The following TMEM134 variants were observed in gnomAD, a reference collection of about 807,000 sequenced individuals.
The protein encoded by TMEM134 is transmembrane protein 134.
Under a neutral mutation model 26.2 loss-of-function variants are expected in TMEM134, and 36 were observed. The observed-to-expected ratio is 1.37, with a 90% CI of 1.05 to 1.81. TMEM134 has a LOEUF of 1.81. Ranked by LOEUF, TMEM134 falls within the 40% of genes most tolerant of loss-of-function variation. The probability of loss-of-function intolerance (pLI) is 0.00; values close to 1 mark genes in which losing one functional copy is unlikely to be tolerated. For missense variants in TMEM134, 339 were observed against 263.5 expected, an observed-to-expected ratio of 1.29 and a Z score of -1.98; for synonymous variants, 133 against 113.6, an observed-to-expected ratio of 1.17 and a Z score of -1.08.
chr11:67,467,632 CG>C, intron 2 of TMEM134, 42 bp from the exon 3 acceptor site: 1 of 1,601,584 alleles, frequency 6.2e-7, no homozygotes, highest in East Asian at 2.2e-5. Flanking sequence ...GAGGCAAGGA[CG>C]GGGTTGCTTT....
intron 1 of TMEM134, among the ~76,000 whole-genome samples, chr11:67,468,515 A>G (rs1386741218): frequency 6.6e-6 from 1 of 152,204 alleles, no homozygotes; most frequent in Non-Finnish European, 1.5e-5. Context: ...TTTCTGGTTT[A>G]GTGGGAGCCA....
At chr11:67,465,989 G>A (rs914920929) in intron 4 of TMEM134, 4 of 152,204 alleles carry the variant, frequency 2.6e-5, no homozygotes, top group African/African-American at 9.7e-5. Context: ...TCAGCTGGGA[G>A]GATGGCTTGA....
At chr11:67,467,065 A>T (rs1037583135) in intron 4 of TMEM134, 21 of 579,050 alleles carry the variant, frequency 3.6e-5, no homozygotes, top group African/African-American at 9.4e-5. Flanking sequence ...TAAATTTTTT[A>T]AAAAAGGAAA....
At chr11:67,468,983 C>A in intron 1 of TMEM134, 36 bp downstream of exon 1, 2 of 1,439,802 alleles carry the variant, frequency 1.4e-6, no homozygotes. Flanking sequence ...TCCCGTCCGG[C>A]CGGGGGCAGG....
rs1865094135 is a variant in TMEM134 at position 67,464,164 on chromosome 11, G to A, written c.*450C>T. ...GTTCCGGCCGGCTCCTGGCTGGCAA[G>A]GCAGGAGTCCTACGCCCAGCTCTGC... On this transcript the variant is annotated 3_prime_UTR_variant, in exon 7 of 7. Transcript: ENST00000308022. The A allele has an allele frequency of 5.1e-6, 1 of 195,342 alleles. No homozygotes were observed. The highest frequency in any genetic ancestry group is 2.4e-5 in the African/African-American group (1 of 41,802). The allele number at this position is 195,342 out of a possible 1,614,324, so 12.1% of individuals were successfully genotyped here.
chr11:67,468,541 C>T (rs1167491837), intron 1 of TMEM134, among the ~76,000 whole-genome samples: 3 of 152,192 alleles, frequency 2.0e-5, no homozygotes, highest in Non-Finnish European at 4.4e-5. Flanking sequence ...TGGGCAAGGA[C>T]TGGTCATGTG....
At position 67,464,668 on chromosome 11, in the gene TMEM134, C is replaced by A. The variant is rs986749990; in HGVS notation, c.534G>T (p.Ala178=). 1 of 1,553,996 alleles carries A rather than the reference C, an allele frequency of 6.4e-7. No individual in the cohort carries two copies. Among genetic ancestry groups the A allele is most frequent in the Non-Finnish European group, 8.7e-7 (1 of 1,148,200 alleles). ...ACTGGAAGCCCCGGTGGCCCTTGACCGCGCAGTAGATGAAGATCACGTGAT... is the reference window on the plus strand; with the variant it reads ...ACTGGAAGCCCCGGTGGCCCTTGACAGCGCAGTAGATGAAGATCACGTGAT... ...GVYHVIFIYC[A]VKGHRGFQFF... The change falls in exon 7 of 7, where the codon GCG becomes GCT. Residue 178 remains alanine, a synonymous_variant. Transcript: ENST00000308022.
chr11:67,467,280 C>T, intron 4 of TMEM134, 32 bp downstream of exon 4: 2 of 1,609,864 alleles, frequency 1.2e-6, no homozygotes, highest in Non-Finnish European at 1.7e-6. Flanking sequence ...CCCACGGGGC[C>T]CCTCTTGACC....
chr11:67,468,786 T>A (rs1256902372), intron 1 of TMEM134, among the ~76,000 whole-genome samples: 2 of 152,100 alleles, frequency 1.3e-5, no homozygotes, highest in African/African-American at 4.8e-5. Context: ...AGCTGAGGGA[T>A]GAGCTCCCGG....
intron 6 of TMEM134, 31 bp from the exon 7 acceptor site, chr11:67,464,727 C>G (rs2135208742): frequency 6.5e-7 from 1 of 1,549,332 alleles, no homozygotes. Flanking sequence ...GCGCAGAAGC[C>G]CCGCCCCTCC....
chr11:67,464,623 G>A lies in TMEM134; in HGVS notation c.579C>T (p.Phe193=), dbSNP rs1283584016. Residue 193 remains phenylalanine (F), a synonymous_variant, in exon 7 of 7, where the codon TTC becomes TTT. Coordinates refer to ENST00000308022, the MANE Select transcript of TMEM134 (RefSeq NM_025124.4). ...CCACGCTGCGCCGCGATCACTTCTC[G>A]AAGTAGGGCAGGTAGAAGAACTGGA... ...RGFQFFYLPY[F]EK 6.4e-7 allele frequency: 1 copy of A among 1,552,408 alleles called. No homozygotes were observed. Among genetic ancestry groups the A allele is most frequent in the Non-Finnish European group, 8.7e-7 (1 of 1,147,318 alleles).
intron 4 of TMEM134, 160 bp downstream of exon 4, chr11:67,467,150 CCT>C (rs1865305525): frequency 1.6e-6 from 1 of 639,774 alleles, no homozygotes; most frequent in African/African-American, 1.8e-5. Context: ...GGTCACAAGG[CCT>C]CTGTCTCCTC....
rs1865115392 is a variant in TMEM134, at chr11:67,464,577, G to A, written c.*37C>T. 9 of 1,547,006 alleles carry A rather than the reference G, an allele frequency of 5.8e-6. No individual in the cohort carries two copies. Among genetic ancestry groups the A allele is most frequent in the South Asian group, 1.2e-5 (1 of 83,976 alleles). On this transcript the variant is annotated 3_prime_UTR_variant, in exon 7 of 7. Transcript: ENST00000308022. ...GGGAACGGAACAGGGCAAGAGGGGC[G>A]CCCCCATGGGCGCAAGGGGTCCACG...
Position 67,464,279 on chromosome 11 carries a change from G to T in TMEM134, c.*335C>A. The T allele has an allele frequency of 2.3e-6, 1 of 429,342 alleles. No individual in the cohort carries two copies. Among genetic ancestry groups the T allele is most frequent in the African/African-American group, 2.0e-5 (1 of 49,072 alleles). 26.6% of individuals were successfully genotyped at this position (429,342 alleles called of 1,614,324 possible). The stretch of plus-strand genomic sequence containing the variant: ...TCGAAGCCCTTCAGCGTCAGGGTCA[G>T]TCCTTGGGAGGGGGGCTGTGGTCAG... On this transcript the variant is annotated 3_prime_UTR_variant, in exon 7 of 7. Coordinates refer to ENST00000308022, the MANE Select transcript of TMEM134 (RefSeq NM_025124.4).
At chr11:67,467,642 T>G in intron 2 of TMEM134, 52 bp from the exon 3 acceptor site, 1 of 1,572,560 alleles carries the variant, frequency 6.4e-7, no homozygotes, top group Non-Finnish European at 8.7e-7. Context: ...CGGGGTTGCT[T>G]TGGGACAGGA....
At position 67,465,355 on chromosome 11, in the gene TMEM134, C is replaced by A. The variant is rs1240089365; in HGVS notation, c.407-255G>T. ...GCAAACATTTATGGAACACCTACTG[C>A]GTGCCTGGTACTGGGAATTCCGCCC... On this transcript the variant is annotated intron_variant, in intron 4 of 6. Transcript: ENST00000308022. The A allele has an allele frequency of 4.0e-6, 4 of 1,004,032 alleles. No homozygotes were observed. In the African/African-American group the frequency reaches 5.0e-5, roughly 13 times the overall value. 62.2% of individuals were successfully genotyped at this position (1,004,032 alleles called of 1,614,324 possible).
rs1436049870 is a variant in TMEM134 at position 67,469,064 on chromosome 11, C to G, written c.129G>C (p.Arg43=). The change falls in exon 1 of 7, where the codon CGG becomes CGC. Residue 43 remains arginine (R), a synonymous_variant. Transcript: ENST00000308022. ...GCTTGTCCTCGTCAGCCACCTCGAACCGGGCCCGACGCTCGAAGTGCAGCG... is the reference window on the plus strand; with the variant it reads ...GCTTGTCCTCGTCAGCCACCTCGAAGCGGGCCCGACGCTCGAAGTGCAGCG... ...FGPLHFERRA[R]FEVADEDKQS... 1 of 1,516,368 alleles carries G rather than the reference C, an allele frequency of 6.6e-7. No homozygotes were observed. The highest frequency in any genetic ancestry group is 1.4e-5 in the African/African-American group (1 of 69,506). 93.9% of individuals were successfully genotyped at this position (1,516,368 alleles called of 1,614,324 possible). A position where few individuals can be genotyped will look rare whatever the true frequency, so the allele number is the denominator to read the frequency against.
chr11:67,468,240 T>C, intron 1 of TMEM134, 148 bp from the exon 2 acceptor site: 1 of 710,506 alleles, frequency 1.4e-6, no homozygotes, highest in South Asian at 1.8e-5. Context: ...GCAGAACGGG[T>C]TTGGTGATTC....
Position 67,464,945 on chromosome 11 carries a change from C to G in TMEM134, c.452-89G>C, listed in dbSNP as rs549577512. ...CCGCTGACTGCCCGGGCAAGCCTCA[C>G]TCCCAGCTGAAAAGGAGCCGTGTAC... On this transcript the variant is annotated intron_variant, in intron 5 of 6. Transcript: ENST00000308022. The G allele has an allele frequency of 1.0e-5, 16 of 1,552,598 alleles. No individual in the cohort carries two copies. The South Asian group carries it at 1.8e-4, about 18-fold the overall frequency.
Sources: allele counts gnomAD v4.1 joint callset (sites outside exome capture counted in the v4.1 genomes callset), GRCh38; gene constraint gnomAD v4.1.1; transcripts MANE v1.5; gene names NCBI Gene and HGNC (gene_info 2026-07-23, HGNC 2026-07-21).